Variants in ABI3BP observed in about 807,000 individuals in gnomAD.
The protein encoded by ABI3BP is target of Nesh-SH3.
ABI3BP carries 216 observed loss-of-function variants against 268.6 expected under a neutral mutation model. The ratio of observed to expected loss-of-function variants is 0.80; its 90% CI spans 0.72 to 0.90. The LOEUF is 0.90. ABI3BP is among the 40% of genes least tolerant of loss of function. ABI3BP has a pLI of 0.00. For missense variants in ABI3BP, 2,090 were observed against 2,182.4 expected, an observed-to-expected ratio of 0.96 and a Z score of 0.84; for synonymous variants, 730 against 730.0, an observed-to-expected ratio of 1.00 and a Z score of 0.00.
intron 1 of ABI3BP, among the ~76,000 whole-genome samples, chr3:100,982,904 C>G (rs1384247221): frequency 2.6e-5 from 4 of 152,146 alleles, no homozygotes; most frequent in Admixed American, 2.6e-4. Flanking sequence ...GCCGACATAG[C>G]TGGAAAAGAA....
intron 1 of ABI3BP, among the ~76,000 whole-genome samples, chr3:100,974,015 A>G (rs1443650707): frequency 6.6e-6 from 1 of 152,174 alleles, no homozygotes; most frequent in African/African-American, 2.4e-5. Flanking sequence ...TATGCCTAAC[A>G]AGTATGCCTA....
rs1359938663 is a variant in ABI3BP, at chr3:100,830,699, T to A, written c.2402-65A>T. The A allele has an allele frequency of 3.0e-6, 4 of 1,332,352 alleles. No homozygotes were observed. In the African/African-American group the frequency reaches 4.4e-5, roughly 15 times the overall value. 82.5% of individuals were successfully genotyped at this position (1,332,352 alleles called of 1,614,324 possible). Reference sequence around the variant, plus strand: ...AATGCATGAAATGTTGGAACATTCATCTTACCACCAAAAATCGGATTTCTA... The same window carrying A: ...AATGCATGAAATGTTGGAACATTCAACTTACCACCAAAAATCGGATTTCTA... On this transcript the variant is annotated intron_variant, in intron 31 of 67. Transcript: ENST00000471714.
At chr3:100,864,441 A>C (rs1033701315) in intron 11 of ABI3BP, 3 of 334,382 alleles carry the variant, frequency 9.0e-6, no homozygotes, top group Non-Finnish European at 1.6e-5. Context: ...ATTCTTCCCA[A>C]ATTTAGTATG....
chr3:100,817,812 G>A (rs567492223), intron 41 of ABI3BP, among the ~76,000 whole-genome samples: 3 of 152,238 alleles, frequency 2.0e-5, no homozygotes, highest in South Asian at 4.1e-4. Context: ...TGAAAAAGGC[G>A]TTTATCAGTC....
At chr3:100,842,293 A>G (rs1414198972) in intron 20 of ABI3BP, among the ~76,000 whole-genome samples, 1 of 152,166 alleles carries the variant, frequency 6.6e-6, no homozygotes, top group Non-Finnish European at 1.5e-5. Flanking sequence ...CTGAGGAAAT[A>G]CTAACTTAGA....
At chr3:100,850,226 T>C (rs1315619250) in intron 16 of ABI3BP, 107 bp from the exon 17 acceptor site, 1 of 915,736 alleles carries the variant, frequency 1.1e-6, no homozygotes, top group Non-Finnish European at 1.7e-6. Flanking sequence ...CACGAGTACA[T>C]GATTAAAGAT....
chr3:100,940,784 CACTATATATATA>C (rs2068647549), intron 1 of ABI3BP, among the ~76,000 whole-genome samples: 1 of 13,156 alleles, frequency 7.6e-5, no homozygotes, highest in African/African-American at 2.4e-4. Flanking sequence ...GAAATTACTT[CACTATATATATA>C]TATATATATA....
chr3:100,850,728 C>T lies in ABI3BP; in HGVS notation c.1358G>A (p.Ser453Asn), dbSNP rs2098828284. ...PEISDSYTATSDRILDSIPPK... is the reference protein window; with the variant it reads ...PEISDSYTATNDRILDSIPPK... Reference sequence around the variant, plus strand: ...TGGGATAGAATCCAGAATACGATCACTTGTTGCTGTTGGAATAAATGTCAA... The same window carrying T: ...TGGGATAGAATCCAGAATACGATCATTTGTTGCTGTTGGAATAAATGTCAA... The change falls in exon 16 of 68, where the codon AGT (serine) becomes AAT (asparagine). Residue 453 changes from serine to asparagine, a missense_variant. By Grantham distance (46) the Ser-to-Asn change is conservative (BLOSUM62 1). Transcript: ENST00000471714. 7 of 1,612,158 alleles carry T rather than the reference C, an allele frequency of 4.3e-6. No individual in the cohort carries two copies. The highest frequency in any genetic ancestry group is 5.1e-6 in the Non-Finnish European group (6 of 1,178,594).
At chr3:100,979,559 A>C (rs1168256099) in intron 1 of ABI3BP, among the ~76,000 whole-genome samples, 1 of 141,058 alleles carries the variant, frequency 7.1e-6, no homozygotes, top group Non-Finnish European at 1.6e-5. Context: ...TAGTGTTAAC[A>C]TCTGTGGTCC....
chr3:100,910,547 T>TAAA (rs1237259399), intron 2 of ABI3BP, among the ~76,000 whole-genome samples: 7 of 150,106 alleles, frequency 4.7e-5, no homozygotes, highest in African/African-American at 1.7e-4. Context: ...CCTTTTTTTT[T>TAAA]AAAAAAAAAA....
At chr3:100,828,566 C>G in intron 33 of ABI3BP, 114 bp from the exon 34 acceptor site, 1 of 898,722 alleles carries the variant, frequency 1.1e-6, no homozygotes, top group Non-Finnish European at 1.7e-6. Context: ...GAGCACGAAG[C>G]AAACACAATT....
At chr3:100,910,326 T>C (rs1358901327) in intron 2 of ABI3BP, among the ~76,000 whole-genome samples, 1 of 152,018 alleles carries the variant, frequency 6.6e-6, no homozygotes, top group Non-Finnish European at 1.5e-5. Flanking sequence ...GGTTGATGAA[T>C]GCAGCAAACC....
At chr3:100,809,271 C>A (rs945485889) in intron 49 of ABI3BP, among the ~76,000 whole-genome samples, 2 of 151,928 alleles carry the variant, frequency 1.3e-5, no homozygotes, top group African/African-American at 2.4e-5. Flanking sequence ...TTTAAAGAAC[C>A]CTTCCAATCT....
chr3:100,864,185 C>A (rs1487895885), intron 11 of ABI3BP, 109 bp from the exon 12 acceptor site: 7 of 719,968 alleles, frequency 9.7e-6, no homozygotes, highest in African/African-American at 7.0e-5. Context: ...GCACACAGAG[C>A]AGCCAATACC....
rs2098635401 is a variant in ABI3BP at position 100,838,273 on chromosome 3, GTGGTT to G, written c.2015_2019del (p.Lys672ThrfsTer7). 6.5e-7 allele frequency: 1 copy of G among 1,536,320 alleles called. No homozygotes were observed. Among genetic ancestry groups the G allele is most frequent in the South Asian group, 1.2e-5 (1 of 84,054 alleles). On this transcript the variant is annotated frameshift_variant, in exon 26 of 68. Transcript: ENST00000471714. LOFTEE classifies it high-confidence loss of function. The stretch of plus-strand genomic sequence containing the variant: ...TGGGGTTTAGGAAGTAATTGTTTTG[GTGGTT>G]TTGAACCTGAAGAAAATTAGAGTGC...
At chr3:100,810,291 G>C (rs2097825778) in intron 49 of ABI3BP, 121 bp downstream of exon 49, 1 of 760,294 alleles carries the variant, frequency 1.3e-6, no homozygotes, top group African/African-American at 1.7e-5. Flanking sequence ...AGACAGGTAG[G>C]ATTACCCATC....
chr3:100,905,774 T>G (rs2053133368), intron 2 of ABI3BP, among the ~76,000 whole-genome samples: 1 of 152,122 alleles, frequency 6.6e-6, no homozygotes. Context: ...AAACCTGGGA[T>G]TGAACAATAT....
intron 42 of ABI3BP, 32 bp from the exon 43 acceptor site, chr3:100,816,800 C>T: frequency 6.6e-7 from 1 of 1,518,316 alleles, no homozygotes; most frequent in East Asian, 2.5e-5. Context: ...TACTCTAGTG[C>T]AGGTGGCTTT....
At chr3:100,837,417 A>G (rs2098612561) in intron 26 of ABI3BP, 2 of 386,842 alleles carry the variant, frequency 5.2e-6, no homozygotes, top group South Asian at 5.4e-5. Context: ...TGTTATATAA[A>G]TATCTTCTTA....
Sources: allele counts gnomAD v4.1 joint callset (sites outside exome capture counted in the v4.1 genomes callset), GRCh38; gene constraint gnomAD v4.1.1; transcripts MANE v1.5; gene names NCBI Gene and HGNC (gene_info 2026-07-23, HGNC 2026-07-21).